The following LAD1 variants were observed in gnomAD, a reference collection of about 807,000 sequenced individuals.
LAD1 encodes the protein ladinin 1.
In LAD1, 53 loss-of-function variants were observed where a neutral mutation model predicts 54.2. The observed-to-expected ratio is 0.98, with a 90% confidence interval of 0.78 to 1.23. The LOEUF (loss-of-function observed/expected upper bound fraction) is 1.23. Among genes scored for constraint, LAD1 ranks in the 50% most tolerant of loss-of-function variants. The pLI is 0.00. For missense variants in LAD1, 637 were observed against 653.3 expected, an observed-to-expected ratio of 0.98 and a Z score of 0.27; for synonymous variants, 231 against 257.7, an observed-to-expected ratio of 0.90 and a Z score of 0.99.
At chr1:201,388,404 G>C (rs2102357605) in intron 2 of LAD1, among the ~76,000 whole-genome samples, 1 of 147,126 alleles carries the variant, frequency 6.8e-6, no homozygotes, top group African/African-American at 2.6e-5. Flanking sequence ...AAAAAAGGCA[G>C]CTGGGCACGG....
chr1:201,386,313 G>T, intron 3 of LAD1, 22 bp downstream of exon 3: 3 of 1,429,122 alleles, frequency 2.1e-6, no homozygotes, highest in Non-Finnish European at 2.8e-6. Context: ...TAGAAGGGTG[G>T]GAGGGACGGG....
chr1:201,390,904 G>A (rs1466046279), intron 1 of LAD1, among the ~76,000 whole-genome samples: 2 of 152,184 alleles, frequency 1.3e-5, no homozygotes, highest in Non-Finnish European at 2.9e-5. Flanking sequence ...GGAAGGGCGG[G>A]CCTGGTCCTG....
In LAD1 at chr1:201,385,781, C is replaced by T; in HGVS notation, c.1051G>A (p.Glu351Lys). 6.2e-7 allele frequency: 1 copy of T among 1,614,102 alleles called. No individual in the cohort carries two copies. The highest frequency in any genetic ancestry group is 8.5e-7 in the Non-Finnish European group (1 of 1,179,946). Residue 351 changes from glutamate to lysine, a missense_variant, in exon 4 of 10, where the codon GAG (glutamate) becomes AAG (lysine). By Grantham distance (56) the Glu-to-Lys change is moderately conservative. Coordinates refer to ENST00000391967, the MANE Select transcript of LAD1 (RefSeq NM_005558.4). ...TGTGTGGGTGAGGACATATCTGCCTCTTCCTCCTTGCTGGGGATTTTCACC... is the reference window on the plus strand; with the variant it reads ...TGTGTGGGTGAGGACATATCTGCCTTTTCCTCCTTGCTGGGGATTTTCACC... ...LQVKIPSKEE[E>K]ADMSSPTQRT...
In LAD1 at chr1:201,381,807, G is replaced by C; in HGVS notation, c.*81C>G. On this transcript the variant is annotated 3_prime_UTR_variant, in exon 10 of 10. Transcript: ENST00000391967. The stretch of plus-strand genomic sequence containing the variant: ...GGAACAGGGACAATGAGAGGAAAGG[G>C]TGCTGCTGTGAGAGGCAGGGGCCTG... 7.1e-7 allele frequency: 1 copy of C among 1,418,150 alleles called. No individual in the cohort carries two copies. The highest frequency in any genetic ancestry group is 1.0e-6 in the Non-Finnish European group (1 of 1,001,182). 87.8% of individuals were successfully genotyped at this position (1,418,150 alleles called of 1,614,324 possible).
chr1:201,386,651 C>CTGGTTT lies in LAD1; in HGVS notation c.704_709dup (p.Lys235_Thr236dup). 1 of 1,614,184 alleles carries CTGGTTT rather than the reference C, an allele frequency of 6.2e-7. No individual in the cohort carries two copies. Among genetic ancestry groups the CTGGTTT allele is most frequent in the Non-Finnish European group, 8.5e-7 (1 of 1,180,006 alleles). On this transcript the variant is annotated inframe_insertion, in exon 3 of 10. Coordinates refer to ENST00000391967, the MANE Select transcript of LAD1 (RefSeq NM_005558.4). ...TGGGGCCAGCGACTTCTCAGAGACA[C>CTGGTTT]TGGTTTTTTCTAGAACAGACTTCTT...
intron 5 of LAD1, among the ~76,000 whole-genome samples, chr1:201,384,307 C>T (rs540162579): frequency 3.9e-4 from 59 of 152,232 alleles, no homozygotes; most frequent in Admixed American, 6.5e-4. Flanking sequence ...TACATAAGCA[C>T]ATCTGCTTCT....
intron 4 of LAD1, 94 bp from the exon 5 acceptor site, chr1:201,384,929 C>T: frequency 1.6e-6 from 2 of 1,228,156 alleles, no homozygotes; most frequent in Non-Finnish European, 2.4e-6. Flanking sequence ...ACATGTCCTC[C>T]TCCTCTTCAG....
chr1:201,383,045 A>G, intron 7 of LAD1, 29 bp downstream of exon 7: 1 of 1,602,394 alleles, frequency 6.2e-7, no homozygotes, highest in East Asian at 2.2e-5. Flanking sequence ...TAATCACCCT[A>G]AGGACCCTGT....
In LAD1 at chr1:201,395,170, C is replaced by G. The variant is rs111938436; in HGVS notation, c.38+4099G>C. Among the ~76,000 whole-genome samples the G allele has an allele frequency of 5.8e-3, 882 of 152,294 alleles. 14 individuals carry two copies. The highest frequency in any genetic ancestry group is 0.021 in the African/African-American group (854 of 41,552). ...CCCTGACACCTGGCAAAACATGAGT[C>G]CCTTCAGCAGCACCACCCCACCCTG... On this transcript the variant is annotated intron_variant, in intron 1 of 9. Coordinates refer to ENST00000391967, the MANE Select transcript of LAD1 (RefSeq NM_005558.4).
At position 201,387,086 on chromosome 1, in the gene LAD1, C is replaced by A. The variant is rs201050623; in HGVS notation, c.275G>T (p.Arg92Leu). ...CTGCCGCCTCTGCCTCCGCTCCTGC[C>A]GTGTTCTGAGGATGCTCTGGATGTC... ...DEDIQSILRT[R>L]QERRQRRQVV... The change falls in exon 3 of 10, where the codon CGG (arginine) becomes CTG (leucine). Residue 92 changes from arginine to leucine, a missense_variant. Coordinates refer to ENST00000391967, the MANE Select transcript of LAD1 (RefSeq NM_005558.4). 1 of 1,609,046 alleles carries A rather than the reference C, an allele frequency of 6.2e-7. No individual in the cohort carries two copies. The highest frequency in any genetic ancestry group is 8.5e-7 in the Non-Finnish European group (1 of 1,177,908).
intron 1 of LAD1, among the ~76,000 whole-genome samples, chr1:201,389,775 TTG>T (rs2102358389): frequency 6.6e-6 from 1 of 151,870 alleles, no homozygotes; most frequent in Admixed American, 6.5e-5. Context: ...TGAGTCGAGA[TTG>T]TGTCACTGCA....
chr1:201,393,387 G>T (rs548024127), intron 1 of LAD1, among the ~76,000 whole-genome samples: 1 of 152,274 alleles, frequency 6.6e-6, no homozygotes, highest in South Asian at 2.1e-4. Flanking sequence ...CAGGCTGGTG[G>T]GGGTAAATGG....
chr1:201,396,067 T>C (rs1300877572), intron 1 of LAD1, among the ~76,000 whole-genome samples: 1 of 152,134 alleles, frequency 6.6e-6, no homozygotes, highest in South Asian at 2.1e-4. Flanking sequence ...GGCAGAGGTT[T>C]GGGGAAACCC....
intron 1 of LAD1, among the ~76,000 whole-genome samples, chr1:201,394,206 C>T (rs1330610203): frequency 2.0e-5 from 3 of 152,174 alleles, no homozygotes; most frequent in African/African-American, 7.2e-5. Context: ...GGGCTCTCCT[C>T]CTCCCTAGAA....
chr1:201,386,606 C>T lies in LAD1; in HGVS notation c.755G>A (p.Gly252Glu), dbSNP rs748839765. ...SLAPGMALGS[G>E]RRLVSEKASI... Reference sequence around the variant, plus strand: ...AGCTTTCTCAGACACCAGCCTCCTTCCTGAGCCCAGTGCCATCCCTGGGGC... The same window carrying T: ...AGCTTTCTCAGACACCAGCCTCCTTTCTGAGCCCAGTGCCATCCCTGGGGC... Residue 252 changes from glycine (G) to glutamate (E), a missense_variant, in exon 3 of 10, where the codon GGA (glycine) becomes GAA (glutamate). Coordinates refer to ENST00000391967, the MANE Select transcript of LAD1 (RefSeq NM_005558.4). 5.6e-5 allele frequency: 90 copies of T among 1,614,162 alleles called. No individual in the cohort carries two copies. Among genetic ancestry groups the T allele is most frequent in the Non-Finnish European group, 7.3e-5 (86 of 1,180,034 alleles).
intron 1 of LAD1, among the ~76,000 whole-genome samples, chr1:201,394,200 T>C (rs1400889424): frequency 6.6e-6 from 1 of 152,150 alleles, no homozygotes; most frequent in African/African-American, 2.4e-5. Context: ...GGTGCTGGGC[T>C]CTCCTCCTCC....
chr1:201,382,662 C>A lies in LAD1; in HGVS notation c.1464G>T (p.Gln488His). The A allele has an allele frequency of 6.2e-7, 1 of 1,601,760 alleles. No homozygotes were observed. The highest frequency in any genetic ancestry group is 1.1e-5 in the South Asian group (1 of 88,192). ...WISRTQESGDQDPQEAQKASS... is the reference protein window; with the variant it reads ...WISRTQESGDHDPQEAQKASS... ...GGGAGGGTGAGGATACCTGGGGGTC[C>A]TGATCTCCAGATTCCTGGGTCCTGC... The change falls in exon 8 of 10, where the codon CAG becomes CAT. Residue 488 changes from glutamine (Q) to histidine (H), a missense_variant. Coordinates refer to ENST00000391967, the MANE Select transcript of LAD1 (RefSeq NM_005558.4).
At position 201,387,028 on chromosome 1, in the gene LAD1, C is replaced by T. The variant is rs1662105148; in HGVS notation, c.333G>A (p.Glu111=). 1.2e-6 allele frequency: 2 copies of T among 1,611,966 alleles called. No homozygotes were observed. The highest frequency in any genetic ancestry group is 1.7e-6 in the Non-Finnish European group (2 of 1,179,172). The change falls in exon 3 of 10, where the codon GAG becomes GAA. Residue 111 remains glutamate (E), a synonymous_variant. Coordinates refer to ENST00000391967, the MANE Select transcript of LAD1 (RefSeq NM_005558.4). ...VVEAAQAPIQ[E]RLEAEEGRNS... The stretch of plus-strand genomic sequence containing the variant: ...TCCTCCCCTCCTCTGCCTCCAGCCT[C>T]TCCTGGATGGGGGCCTGTGCAGCCT...
intron 5 of LAD1, 88 bp downstream of exon 5, chr1:201,384,704 G>A: frequency 7.3e-7 from 1 of 1,367,020 alleles, no homozygotes; most frequent in Non-Finnish European, 1.0e-6. Flanking sequence ...CTACCGCACA[G>A]CCTGGCACAA....
Sources: gnomAD v4.1 joint callset for allele counts (sites outside exome capture counted in the v4.1 genomes callset) on GRCh38, gnomAD v4.1.1 for gene constraint, MANE v1.5 for transcripts, NCBI Gene and HGNC (gene_info 2026-07-23, HGNC 2026-07-21) for gene names.